Variants in SYT1 observed in about 807,000 individuals in gnomAD.
SYT1 encodes synaptotagmin 1, also known as synaptotagmin-1.
A neutral mutation model predicts 44.8 loss-of-function variants in SYT1; 8 were observed. The observed-to-expected ratio is 0.18, with a 90% CI of 0.10 to 0.32. The LOEUF (loss-of-function observed/expected upper bound fraction) is 0.32. SYT1 is among the 10% of genes least tolerant of loss of function. SYT1 has a pLI of 1.00. For synonymous variants in SYT1, 154 were observed against 188.8 expected, an observed-to-expected ratio of 0.82 and a Z score of 1.51; for missense variants, 286 against 509.3, an observed-to-expected ratio of 0.56 and a Z score of 4.22.
intron 8 of SYT1, among the ~76,000 whole-genome samples, chr12:79,311,109 G>T (rs1880761207): frequency 1.3e-5 from 2 of 152,166 alleles, no homozygotes; most frequent in Non-Finnish European, 2.9e-5. Context: ...CAAAGGGAAT[G>T]CTTCCAGTTT....
In SYT1 at chr12:79,244,351, T is replaced by C. The variant is rs536782192; in HGVS notation, c.166+26666T>C. ...TTTCATAGTTCTTTTGCATTCTTTT[T>C]CTCCTTAGAAACTTTCATTTTTTCT... On this transcript the variant is annotated intron_variant, in intron 4 of 10. Coordinates refer to ENST00000261205, the MANE Select transcript of SYT1 (RefSeq NM_005639.3). Among the ~76,000 whole-genome samples, 4 of 152,306 alleles carry C rather than the reference T, an allele frequency of 2.6e-5. No individual in the cohort carries two copies. The South Asian group carries it at 8.3e-4, about 32-fold the overall frequency.
chr12:79,129,599 A>T (rs7954368), intron 3 of SYT1, among the ~76,000 whole-genome samples: 1 of 152,334 alleles, frequency 6.6e-6, no homozygotes, highest in Admixed American at 6.5e-5. Context: ...TTTGCTGTCT[A>T]ATTCACCATA....
At position 79,449,231 on chromosome 12, in the gene SYT1, A is replaced by C. The variant is rs745972888; in HGVS notation, c.*107A>C. 1.7e-6 allele frequency: 2 copies of C among 1,175,968 alleles called. No individual in the cohort carries two copies. Among genetic ancestry groups the C allele is most frequent in the African/African-American group, 1.5e-5 (1 of 64,828 alleles). The allele number at this position is 1,175,968 out of a possible 1,614,324, so 72.8% of individuals were successfully genotyped here. A position where few individuals can be genotyped will look rare whatever the true frequency, so the allele number is the denominator to read the frequency against. ...TTCATTTTTCCAGCCATGCATTCCT[A>C]ACACAATTCAGTGGTACTTGGAATC... On this transcript the variant is annotated 3_prime_UTR_variant, in exon 11 of 11. Coordinates refer to ENST00000261205, the MANE Select transcript of SYT1 (RefSeq NM_005639.3).
At chr12:79,248,519 AAGG>A (rs1164476026) in intron 4 of SYT1, among the ~76,000 whole-genome samples, 1 of 152,202 alleles carries the variant, frequency 6.6e-6, no homozygotes, top group Non-Finnish European at 1.5e-5. Flanking sequence ...TATCAAAAGG[AAGG>A]AGAAGTATGG....
chr12:79,027,036 G>T (rs1426567797), intron 2 of SYT1, among the ~76,000 whole-genome samples: 1 of 151,464 alleles, frequency 6.6e-6, no homozygotes, highest in African/African-American at 2.4e-5. Context: ...ACACAATCCA[G>T]TATAGCCCAC....
intron 4 of SYT1, among the ~76,000 whole-genome samples, chr12:79,223,910 C>T (rs550907063): frequency 1.3e-5 from 2 of 152,316 alleles, no homozygotes; most frequent in East Asian, 3.9e-4. Flanking sequence ...CTCTTTCCCC[C>T]AAGTTGACAG....
chr12:79,424,601 A>G (rs1455387841), intron 9 of SYT1, among the ~76,000 whole-genome samples: 1 of 151,982 alleles, frequency 6.6e-6, no homozygotes, highest in African/African-American at 2.4e-5. Context: ...TTGCTCATCC[A>G]CTGCTTTTTG....
chr12:79,200,668 A>G (rs1873729562), intron 3 of SYT1, among the ~76,000 whole-genome samples: 1 of 152,142 alleles, frequency 6.6e-6, no homozygotes, highest in African/African-American at 2.4e-5. Flanking sequence ...ACCATGTGTA[A>G]TACTCTCTCA....
intron 9 of SYT1, among the ~76,000 whole-genome samples, chr12:79,373,490 A>G (rs1883874445): frequency 6.6e-6 from 1 of 152,210 alleles, no homozygotes; most frequent in Admixed American, 6.5e-5. Context: ...TGTTAATAAT[A>G]AATATGCCTC....
chr12:79,035,672 G>A (rs1435336167), intron 2 of SYT1, among the ~76,000 whole-genome samples: 1 of 151,492 alleles, frequency 6.6e-6, no homozygotes, highest in African/African-American at 2.4e-5. Context: ...TTCCTTATAG[G>A]AATATTGCCA....
At chr12:79,383,107 T>C (rs1271113717) in intron 9 of SYT1, among the ~76,000 whole-genome samples, 1 of 152,208 alleles carries the variant, frequency 6.6e-6, no homozygotes, top group African/African-American at 2.4e-5. Context: ...GATACAGGTA[T>C]GTTTTGAGAA....
At chr12:79,179,203 GAT>G (rs1208626384) in intron 3 of SYT1, among the ~76,000 whole-genome samples, 6 of 20,012 alleles carry the variant, frequency 3.0e-4, no homozygotes, top group South Asian at 1.0e-3. Flanking sequence ...TAGATATATA[GAT>G]ATAGATATAG....
At chr12:78,908,024 A>C (rs1876097194) in intron 1 of SYT1, among the ~76,000 whole-genome samples, 1 of 152,060 alleles carries the variant, frequency 6.6e-6, no homozygotes, top group South Asian at 2.1e-4. Context: ...CACTGAAAGT[A>C]TGCAAATTTT....
chr12:78,892,191 C>T (rs1875094508), intron 1 of SYT1, among the ~76,000 whole-genome samples: 1 of 151,622 alleles, frequency 6.6e-6, no homozygotes, highest in African/African-American at 2.4e-5. Context: ...TGATAAAAAC[C>T]AGGTGGCTTC....
chr12:78,916,373 C>A (rs2137145769), intron 1 of SYT1, among the ~76,000 whole-genome samples: 2 of 152,092 alleles, frequency 1.3e-5, no homozygotes, highest in South Asian at 4.2e-4. Flanking sequence ...ATGTATCATT[C>A]AAAACATTTT....
intron 3 of SYT1, among the ~76,000 whole-genome samples, chr12:79,196,112 C>A (rs1873437597): frequency 6.6e-6 from 1 of 152,048 alleles, no homozygotes; most frequent in South Asian, 2.1e-4. Context: ...ACACTAATAG[C>A]AATAAAATGT....
chr12:79,163,206 A>G (rs781197777), intron 3 of SYT1, among the ~76,000 whole-genome samples: 4 of 152,134 alleles, frequency 2.6e-5, no homozygotes, highest in African/African-American at 7.2e-5. Context: ...TGCTTCTGCT[A>G]TCATCCAGAA....
chr12:79,430,887 A>G (rs1307960856), intron 9 of SYT1, among the ~76,000 whole-genome samples: 1 of 152,230 alleles, frequency 6.6e-6, no homozygotes, highest in African/African-American at 2.4e-5. Context: ...GATTCCCACC[A>G]TGTGCCAGGC....
intron 1 of SYT1, among the ~76,000 whole-genome samples, chr12:78,959,814 T>G (rs1382941992): frequency 2.0e-5 from 3 of 152,092 alleles, no homozygotes; most frequent in African/African-American, 7.2e-5. Context: ...AGGGGAAATG[T>G]TTTTATGTCT....
Sources: allele counts gnomAD v4.1 joint callset (sites outside exome capture counted in the v4.1 genomes callset), GRCh38; gene constraint gnomAD v4.1.1; transcripts MANE v1.5; gene names NCBI Gene and HGNC (gene_info 2026-07-23, HGNC 2026-07-21).